SPATA31E1: variants seen among roughly 807,000 people sequenced by gnomAD.
The protein encoded by SPATA31E1 is SPATA31 subfamily E member 1.
A neutral mutation model predicts 12.9 loss-of-function variants in SPATA31E1; 7 were observed. The ratio of observed to expected loss-of-function variants is 0.54; its 90% confidence interval spans 0.31 to 1.02. SPATA31E1 has a LOEUF of 1.02. Ranked by LOEUF, SPATA31E1 falls within the 50% of genes least tolerant of loss-of-function variation. The pLI, the probability that SPATA31E1 is intolerant of heterozygous loss-of-function variation, is 0.05. For missense variants in SPATA31E1, 1,961 were observed against 1,799.8 expected (o/e 1.09, Z -1.62); for synonymous variants, 771 against 719.0 (o/e 1.07, Z -1.16).
Position 87,883,165 on chromosome 9 carries a change from T to C in SPATA31E1, c.274T>C (p.Ser92Pro), listed in dbSNP as rs775644537. 4 of 1,586,708 alleles carry C rather than the reference T, an allele frequency of 2.5e-6. No individual in the cohort carries two copies. Among genetic ancestry groups the C allele is most frequent in the South Asian group, 1.1e-5 (1 of 87,638 alleles). ...LLLYVHSDPPSPPPGRKRSSR... is the reference protein window; with the variant it reads ...LLLYVHSDPPPPPPGRKRSSR... ...CCTCTACGTCCACAGTGACCCACCC[T>C]CACCCCCGCCCGGGAGGAAGAGGAG... The change falls in exon 1 of 4, where the codon TCA (serine) becomes CCA (proline). Residue 92 changes from serine (S) to proline (P), a missense_variant. By Grantham distance (74) the Ser-to-Pro change is moderately conservative. Coordinates refer to ENST00000325643, the MANE Select transcript of SPATA31E1 (RefSeq NM_178828.5).
chr9:87,887,833 G>A lies in SPATA31E1; in HGVS notation c.3346G>A (p.Ala1116Thr), dbSNP rs996343378. The change falls in exon 4 of 4, where the codon GCC becomes ACC. Residue 1116 changes from alanine (A) to threonine (T), a missense_variant. Physicochemically the swap from Ala to Thr is moderately conservative, Grantham distance 58 (BLOSUM62 0). Transcript: ENST00000325643. ...CTCAGAGGAGCAGCTGCCAGGCCGT[G>A]CCCCGGGCATCCTCCTCCAGGACGG... ...VDSEEQLPGR[A>T]PGILLQDGAT... 1.2e-6 allele frequency: 2 copies of A among 1,613,886 alleles called. No individual in the cohort carries two copies. The highest frequency in any genetic ancestry group is 2.2e-5 in the East Asian group (1 of 44,884).
Position 87,888,251 on chromosome 9 carries a change from G to T in SPATA31E1, c.3764G>T (p.Gly1255Val). Residue 1255 changes from glycine to valine, a missense_variant, in exon 4 of 4, where the codon GGA becomes GTA. Transcript: ENST00000325643. ...RKYNQLQLEK[G>V]QTPPESHFQR... Reference sequence around the variant, plus strand: ...TACAACCAGCTTCAGCTGGAGAAGGGACAGACACCACCAGAAAGCCACTTC... The same window carrying T: ...TACAACCAGCTTCAGCTGGAGAAGGTACAGACACCACCAGAAAGCCACTTC... 1 of 1,614,092 alleles carries T rather than the reference G, an allele frequency of 6.2e-7. No individual in the cohort carries two copies. Among genetic ancestry groups the T allele is most frequent in the Non-Finnish European group, 8.5e-7 (1 of 1,180,022 alleles).
Position 87,887,256 on chromosome 9 carries a change from A to G in SPATA31E1, c.2769A>G (p.Pro923=). The part of the protein sequence containing the change: ...VPTVSGPLAA[P]PPEQEGVQRP... ...CCGTGAGTGGCCCTCTCGCTGCCCC[A>G]CCGCCTGAGCAGGAGGGAGTCCAGA... Residue 923 remains proline (P), a synonymous_variant, in exon 4 of 4, where the codon CCA becomes CCG. Transcript: ENST00000325643. The G allele has an allele frequency of 6.2e-7, 1 of 1,613,778 alleles. No homozygotes were observed. The highest frequency in any genetic ancestry group is 8.5e-7 in the Non-Finnish European group (1 of 1,179,958).
Position 87,886,822 on chromosome 9 carries a change from G to A in SPATA31E1, c.2335G>A (p.Gly779Ser), listed in dbSNP as rs762613317. The change falls in exon 4 of 4, where the codon GGC becomes AGC. Residue 779 changes from glycine (G) to serine (S), a missense_variant. Transcript: ENST00000325643. Reference sequence around the variant, plus strand: ...CAGGAAGGTAGGGGAGATCAAAGAGGGCTGGATCCCCATGCCTGTGCGTCG... The same window carrying A: ...CAGGAAGGTAGGGGAGATCAAAGAGAGCTGGATCCCCATGCCTGTGCGTCG... ...LARKVGEIKE[G>S]WIPMPVRRSW... 6.2e-7 allele frequency: 1 copy of A among 1,614,112 alleles called. No individual in the cohort carries two copies. The highest frequency in any genetic ancestry group is 2.2e-5 in the East Asian group (1 of 44,870).
At chr9:87,884,874 C>T in intron 3 of SPATA31E1, 39 bp from the exon 4 acceptor site, 1 of 1,570,966 alleles carries the variant, frequency 6.4e-7, no homozygotes, top group Non-Finnish European at 8.6e-7. Context: ...CCGGCCCCAT[C>T]TACCCCTGGC....
In SPATA31E1 at chr9:87,888,477, A is replaced by G. The variant is rs764401581; in HGVS notation, c.3990A>G (p.Lys1330=). ...SRVVGQILVD[K]LGLQWGRGPS... The stretch of plus-strand genomic sequence containing the variant: ...TTGTGGGACAAATCCTGGTGGACAA[A>G]CTGGGGCTTCAGTGGGGACGAGGTC... Residue 1330 remains lysine (K), a synonymous_variant, in exon 4 of 4, where the codon AAA becomes AAG. Transcript: ENST00000325643. The G allele has an allele frequency of 1.5e-5, 24 of 1,614,054 alleles. No individual in the cohort carries two copies. The Admixed American group carries it at 1.8e-4, about 12-fold the overall frequency.
chr9:87,887,164 A>G lies in SPATA31E1; in HGVS notation c.2677A>G (p.Ile893Val). The G allele has an allele frequency of 6.2e-7, 1 of 1,613,932 alleles. No individual in the cohort carries two copies. Among genetic ancestry groups the G allele is most frequent in the South Asian group, 1.1e-5 (1 of 91,074 alleles). The change falls in exon 4 of 4, where the codon ATT becomes GTT. Residue 893 changes from isoleucine to valine, a missense_variant. Transcript: ENST00000325643. Reference sequence around the variant, plus strand: ...GGTTGAATCTGTACCCAAGGTTCCCATTTTCCTGGGAAAACGTCCTCAGAA... The same window carrying G: ...GGTTGAATCTGTACCCAAGGTTCCCGTTTTCCTGGGAAAACGTCCTCAGAA... ...SRVESVPKVP[I>V]FLGKRPQNGP...
chr9:87,887,507 C>A lies in SPATA31E1; in HGVS notation c.3020C>A (p.Ser1007Tyr). ...GCATGGCTTGAGAGTGAGAGCATGTCCCCAGGAGACCCCTGTAGTAGCAGA... is the reference window on the plus strand; with the variant it reads ...GCATGGCTTGAGAGTGAGAGCATGTACCCAGGAGACCCCTGTAGTAGCAGA... ...NEAWLESESMSPGDPCSSRAL... is the reference protein window; with the variant it reads ...NEAWLESESMYPGDPCSSRAL... The change falls in exon 4 of 4, where the codon TCC becomes TAC. Residue 1007 changes from serine to tyrosine, a missense_variant. Coordinates refer to ENST00000325643, the MANE Select transcript of SPATA31E1 (RefSeq NM_178828.5). 1 of 1,613,926 alleles carries A rather than the reference C, an allele frequency of 6.2e-7. No homozygotes were observed. The highest frequency in any genetic ancestry group is 8.5e-7 in the Non-Finnish European group (1 of 1,180,016).
chr9:87,885,406 T>C lies in SPATA31E1; in HGVS notation c.919T>C (p.Tyr307His). 6.2e-7 allele frequency: 1 copy of C among 1,613,984 alleles called. No homozygotes were observed. Residue 307 changes from tyrosine (Y) to histidine (H), a missense_variant, in exon 4 of 4, where the codon TAT (tyrosine) becomes CAT (histidine). By Grantham distance (83) the Tyr-to-His change is moderately conservative. Coordinates refer to ENST00000325643, the MANE Select transcript of SPATA31E1 (RefSeq NM_178828.5). ...GCSSDPIWDL[Y>H]CWREAATTWG... ...CTCCAGCGATCCCATCTGGGACCTCTATTGCTGGAGGGAGGCTGCCACCAC... is the reference window on the plus strand; with the variant it reads ...CTCCAGCGATCCCATCTGGGACCTCCATTGCTGGAGGGAGGCTGCCACCAC...
chr9:87,883,964 C>T lies in SPATA31E1; in HGVS notation c.310-28C>T, dbSNP rs201883249. 330 of 1,594,706 alleles carry T rather than the reference C, an allele frequency of 2.1e-4. 1 individual carries two copies. The East Asian group carries it at 7.2e-3, about 35-fold the overall frequency. Reference sequence around the variant, plus strand: ...GGGAGAGGAGACTGAGAACTGGTCCCAGCCCCTCATCCTTTCTTGCCTCTC... The same window carrying T: ...GGGAGAGGAGACTGAGAACTGGTCCTAGCCCCTCATCCTTTCTTGCCTCTC... On this transcript the variant is annotated intron_variant, in intron 1 of 3. Transcript: ENST00000325643.
chr9:87,885,831 C>A lies in SPATA31E1; in HGVS notation c.1344C>A (p.Ser448Arg). 1.2e-6 allele frequency: 2 copies of A among 1,613,798 alleles called. No homozygotes were observed. Among genetic ancestry groups the A allele is most frequent in the South Asian group, 2.2e-5 (2 of 91,074 alleles). The part of the protein sequence containing the change: ...QLFWDLPSLN[S>R]ESLATTVWVS... ...TCTGGGACCTCCCCTCTCTCAATAGCGAGTCCCTGGCGACCACAGTCTGGG... is the reference window on the plus strand; with the variant it reads ...TCTGGGACCTCCCCTCTCTCAATAGAGAGTCCCTGGCGACCACAGTCTGGG... The change falls in exon 4 of 4, where the codon AGC becomes AGA. Residue 448 changes from serine to arginine, a missense_variant. Ser to Arg is a moderately radical substitution (Grantham distance 110). Coordinates refer to ENST00000325643, the MANE Select transcript of SPATA31E1 (RefSeq NM_178828.5).
chr9:87,887,996 T>C lies in SPATA31E1; in HGVS notation c.3509T>C (p.Leu1170Pro). ...ACAGCTTCCCAGGGGCCATGTGCCC[T>C]CCTATGGAAGGGAGGGGACAGTCCA... Reference protein sequence around the residue: ...NMTASQGPCALLWKGGDSPGQ... With the variant: ...NMTASQGPCAPLWKGGDSPGQ... The change falls in exon 4 of 4, where the codon CTC becomes CCC. Residue 1170 changes from leucine to proline, a missense_variant. Physicochemically the swap from Leu to Pro is moderately conservative, Grantham distance 98. Transcript: ENST00000325643. 1 of 1,613,578 alleles carries C rather than the reference T, an allele frequency of 6.2e-7. No homozygotes were observed. The highest frequency in any genetic ancestry group is 8.5e-7 in the Non-Finnish European group (1 of 1,179,956).
Position 87,884,035 on chromosome 9 carries a change from C to T in SPATA31E1, c.353C>T (p.Ser118Leu). The change falls in exon 2 of 4, where the codon TCA becomes TTA. Residue 118 changes from serine (S) to leucine (L), a missense_variant. By Grantham distance (145) the Ser-to-Leu change is moderately radical. Transcript: ENST00000325643. ...RSGRSRSRKI[S>L]ALKACRILLR... Reference sequence around the variant, plus strand: ...GGGAGGTCCAGGAGCAGGAAGATCTCAGCTCTGAAAGGTGAGGCTCTGCTG... The same window carrying T: ...GGGAGGTCCAGGAGCAGGAAGATCTTAGCTCTGAAAGGTGAGGCTCTGCTG... The T allele has an allele frequency of 6.2e-7, 1 of 1,604,346 alleles. No individual in the cohort carries two copies. Among genetic ancestry groups the T allele is most frequent in the East Asian group, 2.2e-5 (1 of 44,614 alleles).
Position 87,883,131 on chromosome 9 carries a change from C to G in SPATA31E1, c.240C>G (p.Phe80Leu), listed in dbSNP as rs754486991. 3 of 1,600,368 alleles carry G rather than the reference C, an allele frequency of 1.9e-6. No homozygotes were observed. The Admixed American group carries it at 5.1e-5, about 27-fold the overall frequency. ...GTGTGTGTGGCCTAGTGCTCCTCTT[C>G]CTATTGCTCCTCTACGTCCACAGTG... ...LTSVCGLVLL[F>L]LLLLYVHSDP... Residue 80 changes from phenylalanine to leucine, a missense_variant, in exon 1 of 4, where the codon TTC (phenylalanine) becomes TTG (leucine). Transcript: ENST00000325643.
In SPATA31E1 at chr9:87,888,336, G is replaced by C; in HGVS notation, c.3849G>C (p.Trp1283Cys). ...ACCCCAGGAAAGGAGGCACACGGTG[G>C]GAAGATGTCCTGCAGAAAGGCAAGC... ...GLHPRKGGTR[W>C]EDVLQKGKPG... The change falls in exon 4 of 4, where the codon TGG (tryptophan) becomes TGC (cysteine). Residue 1283 changes from tryptophan to cysteine, a missense_variant. Transcript: ENST00000325643. 5 of 1,614,178 alleles carry C rather than the reference G, an allele frequency of 3.1e-6. No homozygotes were observed. Among genetic ancestry groups the C allele is most frequent in the Non-Finnish European group, 4.2e-6 (5 of 1,180,034 alleles).
Position 87,888,695 on chromosome 9 carries a change from C to A in SPATA31E1, c.4208C>A (p.Ala1403Asp). 2 of 1,613,964 alleles carry A rather than the reference C, an allele frequency of 1.2e-6. No homozygotes were observed. Among genetic ancestry groups the A allele is most frequent in the Non-Finnish European group, 1.7e-6 (2 of 1,180,000 alleles). ...RGIRDRDSSW[A>D]PPPREPVSPA... ...ATCAGAGACAGAGACAGCAGTTGGG[C>A]CCCACCTCCCAGGGAGCCTGTGTCC... is the stretch of plus-strand genomic sequence containing the variant. The change falls in exon 4 of 4, where the codon GCC becomes GAC. Residue 1403 changes from alanine to aspartate, a missense_variant. By Grantham distance (126) the Ala-to-Asp change is moderately radical. Transcript: ENST00000325643.
At chr9:87,883,730 G>C (rs1216261005) in intron 1 of SPATA31E1, among the ~76,000 whole-genome samples, 1 of 152,266 alleles carries the variant, frequency 6.6e-6, no homozygotes, top group Non-Finnish European at 1.5e-5. Flanking sequence ...CTGTGGGCCT[G>C]AGCCTAGGTG....
At position 87,887,133 on chromosome 9, in the gene SPATA31E1, A is replaced by C. The variant is rs753591381; in HGVS notation, c.2646A>C (p.Val882=). 1 of 1,614,050 alleles carries C rather than the reference A, an allele frequency of 6.2e-7. No individual in the cohort carries two copies. The highest frequency in any genetic ancestry group is 8.5e-7 in the Non-Finnish European group (1 of 1,180,028). The part of the protein sequence containing the change: ...QSTFTPWASW[V]SRVESVPKVP... ...CCTTTACCCCCTGGGCCTCCTGGGT[A>C]TCTCGGGTTGAATCTGTACCCAAGG... Residue 882 remains valine (V), a synonymous_variant, in exon 4 of 4, where the codon GTA becomes GTC. Coordinates refer to ENST00000325643, the MANE Select transcript of SPATA31E1 (RefSeq NM_178828.5).
At position 87,887,834 on chromosome 9, in the gene SPATA31E1, C is replaced by T; in HGVS notation, c.3347C>T (p.Ala1116Val). ...TCAGAGGAGCAGCTGCCAGGCCGTG[C>T]CCCGGGCATCCTCCTCCAGGACGGC... ...VDSEEQLPGRAPGILLQDGAT... is the reference protein window; with the variant it reads ...VDSEEQLPGRVPGILLQDGAT... The change falls in exon 4 of 4, where the codon GCC becomes GTC. Residue 1116 changes from alanine (A) to valine (V), a missense_variant. Transcript: ENST00000325643. 10 of 1,613,892 alleles carry T rather than the reference C, an allele frequency of 6.2e-6. No individual in the cohort carries two copies. Among genetic ancestry groups the T allele is most frequent in the African/African-American group, 1.3e-5 (1 of 75,072 alleles).
Sources: gnomAD v4.1 joint callset for allele counts (sites outside exome capture counted in the v4.1 genomes callset) on GRCh38, gnomAD v4.1.1 for gene constraint, MANE v1.5 for transcripts, NCBI Gene and HGNC (gene_info 2026-07-23, HGNC 2026-07-21) for gene names.